The following MCCC1 variants were observed in gnomAD, a reference collection of about 807,000 sequenced individuals.
MCCC1 encodes the protein methylcrotonoyl-CoA carboxylase subunit alpha, mitochondrial.
MCCC1 carries 64 observed loss-of-function variants against 83.8 expected under a neutral mutation model. The observed-to-expected ratio is 0.76, with a 90% confidence interval of 0.62 to 0.94. The LOEUF (loss-of-function observed/expected upper bound fraction) is 0.94, where lower values mean the gene tolerates loss of function less well. Ranked by LOEUF, MCCC1 falls within the 40% of genes least tolerant of loss-of-function variation. The pLI is 0.00. For synonymous variants in MCCC1, 322 were observed against 315.4 expected, an observed-to-expected ratio of 1.02 and a Z score of -0.22; for missense variants, 807 against 904.7, an observed-to-expected ratio of 0.89 and a Z score of 1.39.
At chr3:183,078,895 T>C (rs964007712) in intron 4 of MCCC1, among the ~76,000 whole-genome samples, 2 of 152,224 alleles carry the variant, frequency 1.3e-5, no homozygotes, top group Non-Finnish European at 2.9e-5. Flanking sequence ...GAGGAATTCA[T>C]GTCTTACATG....
chr3:183,060,552 C>T (rs1715742265), intron 7 of MCCC1, among the ~76,000 whole-genome samples: 1 of 152,088 alleles, frequency 6.6e-6, no homozygotes, highest in Admixed American at 6.6e-5. Flanking sequence ...TCCATGTTTT[C>T]CAATATGTTT....
intron 4 of MCCC1, among the ~76,000 whole-genome samples, chr3:183,085,524 G>A (rs1028198580): frequency 3.3e-5 from 5 of 151,856 alleles, no homozygotes; most frequent in Admixed American, 2.6e-4. Context: ...AGCTACCTGG[G>A]AGGCTGAAGT....
chr3:183,055,092 C>A (rs1442811812), intron 8 of MCCC1, among the ~76,000 whole-genome samples: 1 of 152,008 alleles, frequency 6.6e-6, no homozygotes, highest in Non-Finnish European at 1.5e-5. Context: ...TTCTGTGTAC[C>A]AAATTCTGCA....
intron 1 of MCCC1, among the ~76,000 whole-genome samples, chr3:183,114,517 C>A (rs1719557021): frequency 6.6e-6 from 1 of 152,294 alleles, no homozygotes; most frequent in African/African-American, 2.4e-5. Context: ...GTGTCCACTG[C>A]AGAACTGATG....
At position 183,057,421 on chromosome 3, in the gene MCCC1, G is replaced by A. The variant is rs952365421; in HGVS notation, c.763C>T (p.His255Tyr). 1 of 1,599,262 alleles carries A rather than the reference G, an allele frequency of 6.3e-7. No homozygotes were observed. The change falls in exon 8 of 19, where the codon CAT becomes TAT. Residue 255 changes from histidine (H) to tyrosine (Y), a missense_variant and splice_region_variant. Transcript: ENST00000265594. ...LIEKFVDTPR[H>Y]VEVQVFGDHH... is the part of the protein sequence containing the mutation. ...TCACCAAACACCTGGACTTCTACATGCCTATATAAAAGCAAACATGTATGT... is the reference window on the plus strand; with the variant it reads ...TCACCAAACACCTGGACTTCTACATACCTATATAAAAGCAAACATGTATGT...
At chr3:183,036,005 T>G (rs1172138309) in intron 13 of MCCC1, among the ~76,000 whole-genome samples, 14 of 118,190 alleles carry the variant, frequency 1.2e-4, no homozygotes, top group African/African-American at 4.2e-4. Context: ...GGCCCCGGTG[T>G]GTGATGTTCC....
chr3:183,052,536 C>T (rs563246440), intron 8 of MCCC1, among the ~76,000 whole-genome samples: 9 of 152,276 alleles, frequency 5.9e-5, no homozygotes, highest in East Asian at 1.9e-4. Context: ...CAGCCAGGTG[C>T]GGTGGCTCAC....
At chr3:183,034,112 G>T (rs892948850) in intron 13 of MCCC1, 35 bp from the exon 14 acceptor site, 1 of 1,385,240 alleles carries the variant, frequency 7.2e-7, no homozygotes, top group Non-Finnish European at 1.0e-6. Context: ...ACAAACTTAT[G>T]AGTATCAAGC....
At chr3:183,094,737 T>G in intron 1 of MCCC1, 132 bp from the exon 2 acceptor site, 1 of 882,730 alleles carries the variant, frequency 1.1e-6, no homozygotes, top group South Asian at 1.4e-5. Context: ...ACTTTCTTAG[T>G]GGGTAGAAAA....
chr3:183,055,916 T>C (rs1715392440), intron 8 of MCCC1, among the ~76,000 whole-genome samples: 1 of 152,032 alleles, frequency 6.6e-6, no homozygotes, highest in South Asian at 2.1e-4. Flanking sequence ...AAAACAAAAC[T>C]ATACGTATCA....
intron 4 of MCCC1, among the ~76,000 whole-genome samples, chr3:183,077,529 T>C (rs1717166809): frequency 6.6e-6 from 1 of 152,230 alleles, no homozygotes. Context: ...GTCATTTGTA[T>C]AACTTCTTTG....
intron 1 of MCCC1, among the ~76,000 whole-genome samples, chr3:183,114,938 C>G (rs996151416): frequency 6.6e-6 from 1 of 152,156 alleles, no homozygotes; most frequent in Non-Finnish European, 1.5e-5. Flanking sequence ...CCTTTGGATG[C>G]CCCTCTACCT....
At chr3:183,103,690 G>A (rs1197675061), upstream of MCCC1, among the ~76,000 whole-genome samples, 5 of 152,362 alleles carry the variant, frequency 3.3e-5, no homozygotes, top group South Asian at 2.1e-4. Context: ...TTCACCCAGT[G>A]GGTCCGGCAC....
chr3:183,071,202 A>G lies in MCCC1; in HGVS notation c.639+8T>C. 1 of 1,614,174 alleles carries G rather than the reference A, an allele frequency of 6.2e-7. No homozygotes were observed. The highest frequency in any genetic ancestry group is 8.5e-7 in the Non-Finnish European group (1 of 1,179,988). On this transcript the variant is annotated splice_region_variant and intron_variant, in intron 6 of 18. Coordinates refer to ENST00000265594, the MANE Select transcript of MCCC1 (RefSeq NM_020166.5). ...TGAATTGGCAAACACAAGCATGCAC[A>G]ATCTTACTTTTCCTCCTCCACCCCG... is the stretch of plus-strand genomic sequence containing the variant.
rs200645262 is a variant in MCCC1 at position 183,015,420 on chromosome 3, C to A, written c.*18G>T. The A allele has an allele frequency of 4.8e-5, 77 of 1,613,746 alleles. No homozygotes were observed. The highest frequency in any genetic ancestry group is 6.4e-5 in the Non-Finnish European group (76 of 1,179,880). On this transcript the variant is annotated 3_prime_UTR_variant, in exon 19 of 19. Coordinates refer to ENST00000265594, the MANE Select transcript of MCCC1 (RefSeq NM_020166.5). The stretch of plus-strand genomic sequence containing the variant: ...GAGAGAGAAGACACTACTTAACTGG[C>A]CATTTCCTTGCTGGAGTTTATTCCG...
At chr3:183,079,108 G>A (rs1025916628) in intron 4 of MCCC1, among the ~76,000 whole-genome samples, 3 of 152,174 alleles carry the variant, frequency 2.0e-5, no homozygotes, top group Non-Finnish European at 2.9e-5. Flanking sequence ...TGGGGACACA[G>A]AACCAAACCA....
chr3:183,045,362 G>A (rs760026917), intron 10 of MCCC1, 51 bp downstream of exon 10: 1 of 1,607,828 alleles, frequency 6.2e-7, no homozygotes, highest in African/African-American at 1.3e-5. Flanking sequence ...CTACAGGCTT[G>A]AGCCACCGCA....
rs377636128 is a variant in MCCC1, at chr3:183,064,581, G to A, written c.761+6418C>T. On this transcript the variant is annotated intron_variant, in intron 7 of 18. Transcript: ENST00000265594. The surrounding 1 kb of genome is among the most constrained non-coding windows in gnomAD (Gnocchi z 4.5). ...CAGGCGCACAAGTGCAGCACCAGCGGGCTGCACGCCAGCTCCCCGGTTCGC... is the reference window on the plus strand; with the variant it reads ...CAGGCGCACAAGTGCAGCACCAGCGAGCTGCACGCCAGCTCCCCGGTTCGC... 1.7e-4 allele frequency among the ~76,000 whole-genome samples: 26 copies of A among 152,288 alleles called. 1 individual carries two copies. The South Asian group carries it at 5.0e-3, about 29-fold the overall frequency.
At chr3:183,034,540 C>A (rs6443844) in intron 13 of MCCC1, among the ~76,000 whole-genome samples, 135,563 of 150,884 alleles carry the variant, frequency 0.9, 61,203 homozygotes, top group East Asian at 1. Flanking sequence ...GTTTAAAGGG[C>A]TGGTTTTGTT....
Sources: allele counts gnomAD v4.1 joint callset (sites outside exome capture counted in the v4.1 genomes callset), GRCh38; gene constraint gnomAD v4.1.1; non-coding constraint Gnocchi (gnomAD v3.1); transcripts MANE v1.5; gene names NCBI Gene and HGNC (gene_info 2026-07-23, HGNC 2026-07-21).